The following MCTP1 variants were observed in gnomAD, a reference collection of about 807,000 sequenced individuals.
MCTP1 encodes multiple C2 and transmembrane domain-containing protein 1.
MCTP1 carries 69 observed loss-of-function variants against 120.6 expected under a neutral mutation model. The ratio of observed to expected loss-of-function variants is 0.57; its 90% confidence interval spans 0.47 to 0.70. The LOEUF (loss-of-function observed/expected upper bound fraction) is 0.70, where lower values mean the gene tolerates loss of function less well. MCTP1 is among the 30% of genes least tolerant of loss of function. The pLI is 0.00. For missense variants in MCTP1, 1,203 were observed against 1,248.8 expected (o/e 0.96, Z 0.55); for synonymous variants, 529 against 493.1 (o/e 1.07, Z -0.96).
intron 19 of MCTP1, among the ~76,000 whole-genome samples, chr5:94,745,755 C>A (rs950374507): frequency 2.6e-5 from 4 of 152,160 alleles, no homozygotes; most frequent in Non-Finnish European, 5.9e-5. Context: ...AGAAGCAGCA[C>A]AAAGTGCTCG....
intron 1 of MCTP1, among the ~76,000 whole-genome samples, chr5:95,137,874 C>T (rs1759563351): frequency 6.6e-6 from 1 of 152,022 alleles, no homozygotes; most frequent in Admixed American, 6.6e-5. Flanking sequence ...CCAAACCAAA[C>T]TTGATGATTT....
chr5:94,754,127 T>C (rs1327495931), intron 19 of MCTP1, among the ~76,000 whole-genome samples: 1 of 152,166 alleles, frequency 6.6e-6, no homozygotes, highest in African/African-American at 2.4e-5. Context: ...GAGATAAATA[T>C]GTTTTTAGAT....
Position 95,097,270 on chromosome 5 carries a change from T to C in MCTP1, c.721-79786A>G, listed in dbSNP as rs115851834. On this transcript the variant is annotated intron_variant, in intron 1 of 22. Transcript: ENST00000515393. ...ATGAAAAAAATAAGATAGGTTAATG[T>C]GATAATGAGGGAGTGACACATGAGG... Among the ~76,000 whole-genome samples, 1,176 of 152,212 alleles carry C rather than the reference T, an allele frequency of 7.7e-3. 6 individuals are homozygous for C. The highest frequency in any genetic ancestry group is 0.012 in the Non-Finnish European group (789 of 68,010).
At chr5:95,093,166 A>G (rs1230058637) in intron 1 of MCTP1, among the ~76,000 whole-genome samples, 1 of 152,226 alleles carries the variant, frequency 6.6e-6, no homozygotes. Context: ...TAGGCTATTT[A>G]GTTGCAAAGG....
chr5:94,775,295 A>G (rs1366317820), intron 19 of MCTP1, among the ~76,000 whole-genome samples: 1 of 152,190 alleles, frequency 6.6e-6, no homozygotes, highest in Non-Finnish European at 1.5e-5. Flanking sequence ...TCGCAGCTGG[A>G]TCTTATTACA....
intron 19 of MCTP1, among the ~76,000 whole-genome samples, chr5:94,729,700 A>G (rs1762784106): frequency 6.6e-6 from 1 of 152,230 alleles, no homozygotes; most frequent in African/African-American, 2.4e-5. Context: ...GTGCTAAGGC[A>G]AAATACAAAC....
At chr5:94,733,930 C>CTCCAGCCTAG (rs1172771005) in intron 19 of MCTP1, among the ~76,000 whole-genome samples, 1 of 150,056 alleles carries the variant, frequency 6.7e-6, no homozygotes, top group African/African-American at 2.5e-5. Context: ...TGCCACTGTA[C>CTCCAGCCTAG]TCCAGCCTAG....
intron 12 of MCTP1, among the ~76,000 whole-genome samples, chr5:94,882,080 C>T (rs1340144270): frequency 6.6e-6 from 1 of 152,134 alleles, no homozygotes; most frequent in Non-Finnish European, 1.5e-5. Context: ...CAAGATATCA[C>T]AGTTTAGTAC....
intron 1 of MCTP1, among the ~76,000 whole-genome samples, chr5:95,197,416 G>A (rs1414427365): frequency 1.3e-5 from 2 of 152,154 alleles, no homozygotes; most frequent in Non-Finnish European, 2.9e-5. Context: ...GTACAAGGAT[G>A]TTCAGTGCAG....
chr5:94,763,901 T>C (rs1003700806), intron 19 of MCTP1, among the ~76,000 whole-genome samples: 16 of 152,234 alleles, frequency 1.1e-4, no homozygotes, highest in Non-Finnish European at 2.2e-4. Flanking sequence ...GACATTCATT[T>C]ACACAGAGGG....
chr5:95,184,181 G>T (rs1156736930), intron 1 of MCTP1, among the ~76,000 whole-genome samples: 2 of 151,958 alleles, frequency 1.3e-5, no homozygotes, highest in Non-Finnish European at 2.9e-5. Context: ...AAGGAGTTTG[G>T]CACTTTTTAA....
chr5:94,779,298 G>A, intron 18 of MCTP1, 135 bp from the exon 19 acceptor site: 3 of 737,968 alleles, frequency 4.1e-6, no homozygotes, highest in Non-Finnish European at 7.2e-6. Flanking sequence ...TTGATCTAGA[G>A]AGAGTGATTA....
chr5:95,256,484 T>C (rs1218012395), intron 1 of MCTP1, among the ~76,000 whole-genome samples: 2 of 152,128 alleles, frequency 1.3e-5, no homozygotes, highest in African/African-American at 2.4e-5. Flanking sequence ...ACCTACTTCA[T>C]TGGGTGACCC....
intron 1 of MCTP1, among the ~76,000 whole-genome samples, chr5:95,127,100 T>A (rs571617454): frequency 6.6e-6 from 1 of 152,276 alleles, no homozygotes; most frequent in South Asian, 2.1e-4. Flanking sequence ...TTCAGAAATA[T>A]AGCAGGCAAA....
chr5:94,768,031 A>C (rs1196555635), intron 19 of MCTP1, among the ~76,000 whole-genome samples: 1 of 152,144 alleles, frequency 6.6e-6, no homozygotes, highest in Non-Finnish European at 1.5e-5. Context: ...AACCTAAACA[A>C]CACGGTATTG....
intron 17 of MCTP1, among the ~76,000 whole-genome samples, chr5:94,858,459 C>A (rs371061638): frequency 1.3e-5 from 2 of 151,626 alleles, no homozygotes; most frequent in East Asian, 3.9e-4. Context: ...ATCAAGTCGG[C>A]AATTCTAGCC....
rs543714980 is a variant in MCTP1, at chr5:94,725,601, G to A, written c.2611-10715C>T. 3.3e-5 allele frequency among the ~76,000 whole-genome samples: 5 copies of A among 152,308 alleles called. No individual in the cohort carries two copies. The South Asian group carries it at 8.3e-4, about 25-fold the overall frequency. Reference sequence around the variant, plus strand: ...GAACATGGTTGAAAGTTCAAATGCAGAGCTGAGAAGGCAGTTGAGAGTTTA... The same window carrying A: ...GAACATGGTTGAAAGTTCAAATGCAAAGCTGAGAAGGCAGTTGAGAGTTTA... On this transcript the variant is annotated intron_variant, in intron 19 of 22. Transcript: ENST00000515393.
At chr5:94,972,105 G>T in intron 2 of MCTP1, among the ~76,000 whole-genome samples, 1 of 151,944 alleles carries the variant, frequency 6.6e-6, no homozygotes, top group East Asian at 1.9e-4. Context: ...AGTCCTAATG[G>T]AATTCTCTCC....
At chr5:94,712,071 C>T (rs1450039666) in intron 20 of MCTP1, among the ~76,000 whole-genome samples, 2 of 152,130 alleles carry the variant, frequency 1.3e-5, no homozygotes, top group African/African-American at 4.8e-5. Flanking sequence ...ATATCATGTC[C>T]TCTGACCCTT....
Sources: allele counts gnomAD v4.1 joint callset (sites outside exome capture counted in the v4.1 genomes callset), GRCh38; gene constraint gnomAD v4.1.1; transcripts MANE v1.5; gene names NCBI Gene and HGNC (gene_info 2026-07-23, HGNC 2026-07-21).